ZFPM2: variants seen among roughly 807,000 people sequenced by gnomAD.
The protein encoded by ZFPM2 is zinc finger protein ZFPM2.
ZFPM2 carries 20 observed loss-of-function variants against 98.6 expected under a neutral mutation model. The ratio of observed to expected loss-of-function variants is 0.20; its 90% CI spans 0.14 to 0.29. The LOEUF is 0.29. Ranked by LOEUF, ZFPM2 falls within the 10% of genes least tolerant of loss-of-function variation. The pLI is 1.00. For synonymous variants in ZFPM2, 518 were observed against 502.7 expected, an observed-to-expected ratio of 1.03 and a Z score of -0.41; for missense variants, 1,310 against 1,388.6, an observed-to-expected ratio of 0.94 and a Z score of 0.90.
intron 1 of ZFPM2, among the ~76,000 whole-genome samples, chr8:105,352,645 G>A (rs536512003): frequency 1.2e-4 from 18 of 150,550 alleles, no homozygotes; most frequent in African/African-American, 3.9e-4. Context: ...TGATTTGCTC[G>A]AGCAGATGAA....
chr8:105,419,244 C>T lies in ZFPM2; in HGVS notation c.141C>T (p.Ser47=), dbSNP rs377340726. 2.2e-5 allele frequency: 35 copies of T among 1,613,600 alleles called. No individual in the cohort carries two copies. The Admixed American group carries it at 2.5e-4, about 12-fold the overall frequency. Residue 47 remains serine, a synonymous_variant, in exon 2 of 8, where the codon TCC becomes TCT. Transcript: ENST00000407775. Reference sequence around the variant, plus strand: ...ACTTTCCATTGGAGGAAAGCTTTTCCACAGAATTTGGGCCTGAAAATCTGA... The same window carrying T: ...ACTTTCCATTGGAGGAAAGCTTTTCTACAGAATTTGGGCCTGAAAATCTGA... ...KGDFPLEESF[S]TEFGPENLSC...
Position 105,781,800 on chromosome 8 carries a change from A to T in ZFPM2, c.533-6918A>T, listed in dbSNP as rs865820319. Reference sequence around the variant, plus strand: ...TTCTCCATATTGTAGCTATGCATTTAAAAACTCTATCTAATAACTAACTAT... The same window carrying T: ...TTCTCCATATTGTAGCTATGCATTTTAAAACTCTATCTAATAACTAACTAT... On this transcript the variant is annotated intron_variant, in intron 5 of 7. Coordinates refer to ENST00000407775, the MANE Select transcript of ZFPM2 (RefSeq NM_012082.4). 1.4e-4 allele frequency among the ~76,000 whole-genome samples: 21 copies of T among 152,304 alleles called. No homozygotes were observed. The South Asian group carries it at 2.3e-3, about 17-fold the overall frequency.
Position 105,693,967 on chromosome 8 carries a change from CTTT to C in ZFPM2, c.532+59615_532+59617del, listed in dbSNP as rs1395033253. ...TATATTATCCAAATTTTTTTCTTTT[CTTT>C]TTTTCTTTTCTTTTTTTTTTTTTTT... is the stretch of plus-strand genomic sequence containing the variant. On this transcript the variant is annotated intron_variant, in intron 5 of 7. Transcript: ENST00000407775. Among the ~76,000 whole-genome samples, 4 of 128,054 alleles carry C rather than the reference CTTT, an allele frequency of 3.1e-5. No homozygotes were observed. In the Admixed American group the frequency reaches 3.1e-4, roughly 10 times the overall value. 84.0% of individuals were successfully genotyped at this position (128,054 alleles called of 152,430 possible).
chr8:105,458,009 C>T (rs772605192), intron 3 of ZFPM2, among the ~76,000 whole-genome samples: 1 of 152,098 alleles, frequency 6.6e-6, no homozygotes. Context: ...AACCAGGGAC[C>T]CTGGTGGCCT....
At chr8:105,390,712 A>G (rs1484545149) in intron 1 of ZFPM2, among the ~76,000 whole-genome samples, 1 of 152,182 alleles carries the variant, frequency 6.6e-6, no homozygotes, top group Non-Finnish European at 1.5e-5. Context: ...TTATTATACA[A>G]CACAACCTTA....
In ZFPM2 at chr8:105,516,941, C is replaced by G. The variant is rs79391060; in HGVS notation, c.302-44422C>G. 5.1e-3 allele frequency among the ~76,000 whole-genome samples: 772 copies of G among 152,254 alleles called. 6 individuals carry two copies. Among genetic ancestry groups the G allele is most frequent in the African/African-American group, 0.017 (722 of 41,546 alleles). On this transcript the variant is annotated intron_variant, in intron 3 of 7. Coordinates refer to ENST00000407775, the MANE Select transcript of ZFPM2 (RefSeq NM_012082.4). ...TAAAAATGCCAACTCATGTCTTTTG[C>G]GTCTATAGCTCTTGCTCTAACCATA...
intron 5 of ZFPM2, among the ~76,000 whole-genome samples, chr8:105,771,127 A>T (rs1812970963): frequency 1.3e-5 from 2 of 152,146 alleles, no homozygotes; most frequent in Non-Finnish European, 2.9e-5. Context: ...GATAATCTTT[A>T]TGACTGAATG....
At chr8:105,669,081 T>C (rs1817540717) in intron 5 of ZFPM2, among the ~76,000 whole-genome samples, 1 of 151,952 alleles carries the variant, frequency 6.6e-6, no homozygotes, top group South Asian at 2.1e-4. Flanking sequence ...GTAAAAAGAG[T>C]AATAAACTAG....
chr8:105,393,360 TTC>T (rs1325424964), intron 1 of ZFPM2, among the ~76,000 whole-genome samples: 29 of 103,280 alleles, frequency 2.8e-4, no homozygotes, highest in Non-Finnish European at 4.9e-4. Context: ...CTTTCTTTCT[TTC>T]TTTCTTTCTT....
chr8:105,730,915 G>T (rs1357786556), intron 5 of ZFPM2, among the ~76,000 whole-genome samples: 1 of 151,294 alleles, frequency 6.6e-6, no homozygotes, highest in Non-Finnish European at 1.5e-5. Flanking sequence ...GCAAGGATAA[G>T]AGGCTATGAC....
At position 105,802,681 on chromosome 8, in the gene ZFPM2, G is replaced by C; in HGVS notation, c.2599G>C (p.Glu867Gln). The C allele has an allele frequency of 6.2e-7, 1 of 1,611,148 alleles. No homozygotes were observed. The highest frequency in any genetic ancestry group is 8.5e-7 in the Non-Finnish European group (1 of 1,178,642). Residue 867 changes from glutamate to glutamine, a missense_variant, in exon 8 of 8, where the codon GAA (glutamate) becomes CAA (glutamine). Glu to Gln is a conservative substitution (Grantham distance 29, BLOSUM62 2). Transcript: ENST00000407775. ...GTGCAAGATCAGTTTCAATAAGGTAGAAAACTATCTGGCCCACAAGCAGAA... is the reference window on the plus strand; with the variant it reads ...GTGCAAGATCAGTTTCAATAAGGTACAAAACTATCTGGCCCACAAGCAGAA... ...TVCKISFNKV[E>Q]NYLAHKQNFC...
At chr8:105,409,412 A>G (rs1811531969) in intron 1 of ZFPM2, among the ~76,000 whole-genome samples, 1 of 151,910 alleles carries the variant, frequency 6.6e-6, no homozygotes, top group Non-Finnish European at 1.5e-5. Flanking sequence ...CTGTCCCAGA[A>G]TCATCTGAAA....
At chr8:105,500,559 T>G (rs1813570381) in intron 3 of ZFPM2, among the ~76,000 whole-genome samples, 1 of 152,144 alleles carries the variant, frequency 6.6e-6, no homozygotes, top group Admixed American at 6.6e-5. Context: ...ACTGAGATTT[T>G]TATTCCTGAA....
At chr8:105,694,831 T>A (rs1245168945) in intron 5 of ZFPM2, among the ~76,000 whole-genome samples, 1 of 152,180 alleles carries the variant, frequency 6.6e-6, no homozygotes, top group Non-Finnish European at 1.5e-5. Flanking sequence ...ATTAAGATGT[T>A]TTCCTATTTC....
chr8:105,780,091 C>T (rs867423191), intron 5 of ZFPM2, among the ~76,000 whole-genome samples: 5 of 152,260 alleles, frequency 3.3e-5, no homozygotes, highest in Admixed American at 1.3e-4. Flanking sequence ...AGTAGTTATT[C>T]CTTTTCACAG....
chr8:105,574,746 G>A (rs191022867), intron 4 of ZFPM2, among the ~76,000 whole-genome samples: 232 of 150,958 alleles, frequency 1.5e-3, no homozygotes, highest in African/African-American at 5.4e-3. Flanking sequence ...GCATTACCCC[G>A]CAGACAGGAG....
chr8:105,489,759 T>C (rs1273474593), intron 3 of ZFPM2, among the ~76,000 whole-genome samples: 1 of 151,740 alleles, frequency 6.6e-6, no homozygotes, highest in Admixed American at 6.6e-5. Context: ...CCACTGTGCC[T>C]GACCCAAAAA....
chr8:105,608,651 G>C (rs1381185239), intron 4 of ZFPM2, among the ~76,000 whole-genome samples: 1 of 146,642 alleles, frequency 6.8e-6, no homozygotes, highest in Non-Finnish European at 1.5e-5. Context: ...GGGAAATTTG[G>C]GTTTTTAGAG....
In ZFPM2 at chr8:105,489,428, ATATT is replaced by A. The variant is rs1279587150; in HGVS notation, c.301+45051_301+45054del. 6.9e-5 allele frequency among the ~76,000 whole-genome samples: 10 copies of A among 144,432 alleles called. No individual in the cohort carries two copies. In the East Asian group the frequency reaches 9.9e-4, roughly 14 times the overall value. The allele number at this position is 144,432 out of a possible 152,430, so 94.8% of individuals were successfully genotyped here. ...ATATTTATAGATATATCTTTTATAT[ATATT>A]TATAGATATATGTTTTTATATATAT... is the stretch of plus-strand genomic sequence containing the variant. On this transcript the variant is annotated intron_variant, in intron 3 of 7. Transcript: ENST00000407775.
Sources: allele counts gnomAD v4.1 joint callset (sites outside exome capture counted in the v4.1 genomes callset), GRCh38; gene constraint gnomAD v4.1.1; transcripts MANE v1.5; gene names NCBI Gene and HGNC (gene_info 2026-07-23, HGNC 2026-07-21).